Variants in SYNPO observed in about 807,000 individuals in gnomAD.
SYNPO encodes the protein synaptopodin.
Under a neutral mutation model 49.5 loss-of-function variants are expected in SYNPO, and 19 were observed. The ratio of observed to expected loss-of-function variants is 0.38; its 90% confidence interval spans 0.27 to 0.56. The LOEUF is 0.56. Ranked by LOEUF, SYNPO falls within the 20% of genes least tolerant of loss-of-function variation. The pLI is 0.68. For synonymous variants in SYNPO, 536 were observed against 548.0 expected (o/e 0.98, Z 0.31); for missense variants, 1,131 against 1,248.3 (o/e 0.91, Z 1.42).
rs1758646304 is a variant in SYNPO at position 150,658,337 on chromosome 5, C to G, written c.*1250C>G. ...TTGGAAATGTCCCCTTCTTCAGTGT[C>G]AGACCTCAGTCCCAGTGTCCATATC... On this transcript the variant is annotated 3_prime_UTR_variant, in exon 3 of 3. Coordinates refer to ENST00000307662, the MANE Select transcript of SYNPO (RefSeq NM_007286.6). 1 of 152,422 alleles carries G rather than the reference C, an allele frequency of 6.6e-6. No individual in the cohort carries two copies. The highest frequency in any genetic ancestry group is 2.1e-4 in the South Asian group (1 of 4,830). 9.4% of individuals were successfully genotyped at this position (152,422 alleles called of 1,614,324 possible). A position where few individuals can be genotyped will look rare whatever the true frequency, so the allele number is the denominator to read the frequency against.
rs1756797951 is a variant in SYNPO, at chr5:150,609,793, G to GGA, written c.-265-8309_-265-8308insAG. ...GGGGCACTGTGAATGTGGCGGGGGG[G>GGA]GGCAGTGTGGAGCAGTCTCAGAGCC... On this transcript the variant is annotated intron_variant, in intron 1 of 2. Coordinates refer to the SYNPO transcript ENST00000394243. Among the ~76,000 whole-genome samples, 4 of 151,842 alleles carry GGA rather than the reference G, an allele frequency of 2.6e-5. No individual in the cohort carries two copies. In the East Asian group the frequency reaches 7.8e-4, roughly 30 times the overall value.
At chr5:150,586,789 G>A in the SYNPO span, among the ~76,000 whole-genome samples, 6 of 152,240 alleles carry the variant, frequency 3.9e-5, no homozygotes, top group African/African-American at 1.4e-4. Context: ...AGTAGAACAA[G>A]TTGAATGGAT....
chr5:150,651,937 C>T (rs1454696495), intron 2 of SYNPO: 21 of 1,000,448 alleles, frequency 2.1e-5, no homozygotes, highest in Admixed American at 6.1e-5. Flanking sequence ...ATGGAAGCTT[C>T]GCAAGGCTGG....
upstream of SYNPO, chr5:150,640,172 A>G: frequency 5.1e-6 from 5 of 985,382 alleles, no homozygotes; most frequent in Non-Finnish European, 6.0e-6. Context: ...ACTAGAATAA[A>G]TAATACACAA....
At chr5:150,640,611 C>T, upstream of SYNPO, 1 of 978,448 alleles carries the variant, frequency 1.0e-6, no homozygotes, top group African/African-American at 1.8e-5. Flanking sequence ...GGGGGAGAGA[C>T]TGGGGGTGGA....
chr5:150,595,813 C>T, the SYNPO span, among the ~76,000 whole-genome samples: 4 of 150,212 alleles, frequency 2.7e-5, no homozygotes, highest in Non-Finnish European at 4.4e-5. Context: ...CCACTCCCCC[C>T]TCATTTCCTC....
chr5:150,632,177 AT>A (rs1757564043), intron 2 of SYNPO, among the ~76,000 whole-genome samples: 3 of 152,002 alleles, frequency 2.0e-5, no homozygotes, highest in African/African-American at 7.2e-5. Context: ...AAATACTCTA[AT>A]TTTTCTACAC....
At chr5:150,611,705 G>T (rs1320462935) in intron 1 of SYNPO, among the ~76,000 whole-genome samples, 1 of 152,228 alleles carries the variant, frequency 6.6e-6, no homozygotes, top group African/African-American at 2.4e-5. Context: ...AGGGAGGAAG[G>T]ATGCCAAGAT....
At chr5:150,634,470 T>C (rs902044834) in intron 2 of SYNPO, among the ~76,000 whole-genome samples, 1 of 152,078 alleles carries the variant, frequency 6.6e-6, no homozygotes. Flanking sequence ...AGGTGTATGG[T>C]GCTATGGTAG....
chr5:150,625,934 T>C (rs1413998619), intron 2 of SYNPO, among the ~76,000 whole-genome samples: 1 of 152,196 alleles, frequency 6.6e-6, no homozygotes, highest in East Asian at 1.9e-4. Context: ...AGCAAGACCC[T>C]TGCTCTCTTG....
intron 1 of SYNPO, among the ~76,000 whole-genome samples, chr5:150,605,296 T>C (rs183192858): frequency 6.6e-6 from 1 of 152,242 alleles, no homozygotes; most frequent in African/African-American, 2.4e-5. Context: ...AAAGCACTTC[T>C]TGGAATGTTC....
intron 2 of SYNPO, among the ~76,000 whole-genome samples, chr5:150,628,940 G>A (rs1055292476): frequency 6.6e-6 from 1 of 152,178 alleles, no homozygotes; most frequent in Non-Finnish European, 1.5e-5. Context: ...TAAGGAGATG[G>A]GCTCTCGCTT....
Position 150,656,760 on chromosome 5 carries a change from C to T in SYNPO, c.2385C>T (p.Pro795=), listed in dbSNP as rs1167370100. The T allele has an allele frequency of 2.5e-6, 3 of 1,216,356 alleles. No individual in the cohort carries two copies. The highest frequency in any genetic ancestry group is 3.7e-5 in the South Asian group (1 of 26,864). 75.3% of individuals were successfully genotyped at this position (1,216,356 alleles called of 1,614,324 possible). ...PPRAPPPPPP[P]PPPPPRMRSP... ...GGGCGCCACCGCCCCCGCCCCCGCC[C>T]CCGCCCCCGCCCCCGCGCATGCGCT... The change falls in exon 3 of 3, where the codon CCC becomes CCT. Residue 795 remains proline, a synonymous_variant. Transcript: ENST00000307662.
upstream of SYNPO, among the ~76,000 whole-genome samples, chr5:150,637,578 G>T (rs921597461): frequency 6.6e-6 from 1 of 152,204 alleles, no homozygotes; most frequent in Non-Finnish European, 1.5e-5. Flanking sequence ...CTGAGACCCC[G>T]TCTGGGGAAC....
chr5:150,599,315 C>T (rs936048531), upstream of SYNPO, among the ~76,000 whole-genome samples: 13 of 152,216 alleles, frequency 8.5e-5, no homozygotes, highest in Non-Finnish European at 1.6e-4. Context: ...GCCAAGAACC[C>T]GGGAAGCAAG....
At chr5:150,588,511 C>A in the SYNPO span, among the ~76,000 whole-genome samples, 1 of 152,170 alleles carries the variant, frequency 6.6e-6, no homozygotes, top group African/African-American at 2.4e-5. Context: ...GGAAGGACCT[C>A]TGCAGCAGCC....
chr5:150,604,635 G>T (rs1756640903), intron 1 of SYNPO, among the ~76,000 whole-genome samples: 1 of 152,344 alleles, frequency 6.6e-6, no homozygotes, highest in South Asian at 2.1e-4. Flanking sequence ...GTGACCCCGT[G>T]CTCTGCTCCT....
intron 2 of SYNPO, chr5:150,624,757 G>C: frequency 1.3e-6 from 1 of 773,876 alleles, no homozygotes; most frequent in Non-Finnish European, 1.6e-6. Context: ...TGGCGGTGGC[G>C]GCGGCGAGGA....
chr5:150,624,476 C>A (rs1402179975), intron 2 of SYNPO, among the ~76,000 whole-genome samples: 1 of 152,082 alleles, frequency 6.6e-6, no homozygotes, highest in Non-Finnish European at 1.5e-5. Flanking sequence ...ACCGACCTAG[C>A]GATACAGAAA....
Sources: gnomAD v4.1 joint callset for allele counts (sites outside exome capture counted in the v4.1 genomes callset) on GRCh38, gnomAD v4.1.1 for gene constraint, MANE v1.5 for transcripts, NCBI Gene and HGNC (gene_info 2026-07-23, HGNC 2026-07-21) for gene names.